MYO1D: variants seen among roughly 807,000 people sequenced by gnomAD.
MYO1D encodes the protein myosin ID.
In MYO1D, 83 loss-of-function variants were observed where a neutral mutation model predicts 122.0. The ratio of observed to expected loss-of-function variants is 0.68; its 90% CI spans 0.57 to 0.82. The LOEUF is 0.82. MYO1D is among the 40% of genes least tolerant of loss of function. The pLI is 0.00. For missense variants in MYO1D, 1,157 were observed against 1,269.5 expected (o/e 0.91, Z 1.35); for synonymous variants, 464 against 446.9 (o/e 1.04, Z -0.48).
intron 21 of MYO1D, among the ~76,000 whole-genome samples, chr17:32,539,087 T>C (rs928515499): frequency 1.3e-5 from 2 of 152,160 alleles, no homozygotes; most frequent in East Asian, 1.9e-4. Context: ...CTGCACATCC[T>C]GCACATGTAT....
chr17:32,509,771 T>C (rs754519151), intron 21 of MYO1D, among the ~76,000 whole-genome samples: 8 of 152,084 alleles, frequency 5.3e-5, no homozygotes, highest in Non-Finnish European at 1.2e-4. Context: ...GTATTTTTAG[T>C]AGAGACGGGG....
intron 19 of MYO1D, among the ~76,000 whole-genome samples, chr17:32,649,567 C>CTTTTTTTTTTTTTTT (rs35514290): frequency 1.1e-5 from 1 of 94,048 alleles, no homozygotes. Context: ...TTCTTTCTTT[C>CTTTTTTTTTTTTTTT]TTTTTTTTTT....
chr17:32,760,658 C>A, intron 8 of MYO1D, 31 bp from the exon 9 acceptor site: 1 of 1,582,880 alleles, frequency 6.3e-7, no homozygotes, highest in Non-Finnish European at 8.6e-7. Context: ...TAAATGCTTG[C>A]CAATTTGGGA....
chr17:32,722,074 G>A (rs1243654131), intron 14 of MYO1D, among the ~76,000 whole-genome samples: 1 of 152,154 alleles, frequency 6.6e-6, no homozygotes, highest in Non-Finnish European at 1.5e-5. Flanking sequence ...GTAGAAACGG[G>A]TAGTAAATAA....
At chr17:32,500,375 C>T (rs1056478549) in intron 21 of MYO1D, among the ~76,000 whole-genome samples, 3 of 152,244 alleles carry the variant, frequency 2.0e-5, no homozygotes, top group Admixed American at 6.5e-5. Context: ...TCCTTCTAAA[C>T]ACAAAGTGGC....
chr17:32,761,586 C>G (rs2090002560), intron 8 of MYO1D, among the ~76,000 whole-genome samples: 1 of 152,124 alleles, frequency 6.6e-6, no homozygotes, highest in Non-Finnish European at 1.5e-5. Context: ...TCTTCCTGGT[C>G]CTCTTCTCTT....
intron 21 of MYO1D, among the ~76,000 whole-genome samples, chr17:32,587,770 C>T (rs191197222): frequency 6.1e-4 from 93 of 152,342 alleles, no homozygotes; most frequent in Middle Eastern, 6.8e-3. Flanking sequence ...TCTTCAGCCT[C>T]CCTTCCCTGT....
chr17:32,584,348 ACTGAAC>A (rs945285286), intron 21 of MYO1D, among the ~76,000 whole-genome samples: 1 of 152,192 alleles, frequency 6.6e-6, no homozygotes, highest in African/African-American at 2.4e-5. Context: ...CTGATATGTG[ACTGAAC>A]CTCAAGAAAT....
At position 32,577,155 on chromosome 17, in the gene MYO1D, A is replaced by G. The variant is rs866173570; in HGVS notation, c.2864+27932T>C. On this transcript the variant is annotated intron_variant, in intron 21 of 21. Coordinates refer to ENST00000318217, the MANE Select transcript of MYO1D (RefSeq NM_015194.3). ...AATGCCAGCTACTCAGGAGGGTGAGACAGGAGAATCACTTGAACCCGGGAG... is the reference window on the plus strand; with the variant it reads ...AATGCCAGCTACTCAGGAGGGTGAGGCAGGAGAATCACTTGAACCCGGGAG... Among the ~76,000 whole-genome samples, 15 of 152,058 alleles carry G rather than the reference A, an allele frequency of 9.9e-5. No individual in the cohort carries two copies. The South Asian group carries it at 3.1e-3, about 32-fold the overall frequency.
intron 21 of MYO1D, among the ~76,000 whole-genome samples, chr17:32,541,156 A>C (rs1203872369): frequency 6.6e-6 from 1 of 152,240 alleles, no homozygotes; most frequent in Non-Finnish European, 1.5e-5. Flanking sequence ...CATTATTCAT[A>C]ATAGCCAAAA....
chr17:32,862,339 T>C (rs1193742329), intron 1 of MYO1D, among the ~76,000 whole-genome samples: 1 of 152,256 alleles, frequency 6.6e-6, no homozygotes, highest in African/African-American at 2.4e-5. Context: ...GAACCGTGTC[T>C]ATCTGGGTTG....
At chr17:32,654,246 A>T (rs1191751725) in intron 18 of MYO1D, among the ~76,000 whole-genome samples, 1 of 152,246 alleles carries the variant, frequency 6.6e-6, no homozygotes, top group Non-Finnish European at 1.5e-5. Context: ...GTCAAAGGCC[A>T]GGTTATAGAG....
Position 32,849,655 on chromosome 17 carries a change from G to A in MYO1D, c.95+27123C>T, listed in dbSNP as rs1379142977. Among the ~76,000 whole-genome samples the A allele has an allele frequency of 6.6e-5, 10 of 150,670 alleles. No individual in the cohort carries two copies. The East Asian group carries it at 1.9e-3, about 29-fold the overall frequency. ...AGGAAGGGGAATATCACACTCTGGG[G>A]ACTGTTGTGGGGTGGGGGGAGAGGG... is the stretch of plus-strand genomic sequence containing the variant. On this transcript the variant is annotated intron_variant, in intron 1 of 21. Transcript: ENST00000318217.
Position 32,623,106 on chromosome 17 carries a change from C to T in MYO1D, c.2709+15616G>A, listed in dbSNP as rs79931620. ...GCTCCCAAGAAGCAGAATGGCTGCT[C>T]AACAGGAGCCAAAGTAGTAGTTCAG... On this transcript the variant is annotated intron_variant, in intron 20 of 21. Transcript: ENST00000318217. Among the ~76,000 whole-genome samples, 75 of 151,650 alleles carry T rather than the reference C, an allele frequency of 4.9e-4. 1 individual carries two copies. Among genetic ancestry groups the T allele is most frequent in the African/African-American group, 1.5e-3 (62 of 41,328 alleles).
At chr17:32,607,141 C>G (rs908493975) in intron 20 of MYO1D, among the ~76,000 whole-genome samples, 2 of 151,764 alleles carry the variant, frequency 1.3e-5, no homozygotes, top group African/African-American at 4.9e-5. Context: ...GCCTGGGCAA[C>G]AGAGCGAGAC....
At chr17:32,798,958 T>A (rs1042976128) in intron 1 of MYO1D, among the ~76,000 whole-genome samples, 1 of 152,226 alleles carries the variant, frequency 6.6e-6, no homozygotes, top group Non-Finnish European at 1.5e-5. Context: ...GAACTGGAAC[T>A]ACTAAGAGAT....
In MYO1D at chr17:32,712,110, C is replaced by T; in HGVS notation, c.1999G>A (p.Gly667Ser). The T allele has an allele frequency of 6.2e-7, 1 of 1,613,992 alleles. No individual in the cohort carries two copies. The highest frequency in any genetic ancestry group is 8.5e-7 in the Non-Finnish European group (1 of 1,179,964). The change falls in exon 16 of 22, where the codon GGT becomes AGT. Residue 667 changes from glycine to serine, a missense_variant. Transcript: ENST00000318217. ...CCATAAGCTACATCATCCTGAAAACCACACCGTTCAATTAGTTTCTTGACA... is the reference window on the plus strand; with the variant it reads ...CCATAAGCTACATCATCCTGAAAACTACACCGTTCAATTAGTTTCTTGACA... ...EAVKKLIERCGFQDDVAYGKT... is the reference protein window; with the variant it reads ...EAVKKLIERCSFQDDVAYGKT...
intron 16 of MYO1D, among the ~76,000 whole-genome samples, chr17:32,664,721 G>A (rs2088613942): frequency 6.6e-6 from 1 of 152,166 alleles, no homozygotes; most frequent in African/African-American, 2.4e-5. Context: ...AGAGAGGCCT[G>A]CTGACAGGGA....
chr17:32,731,076 T>A (rs1017975353), intron 14 of MYO1D, among the ~76,000 whole-genome samples: 17 of 152,122 alleles, frequency 1.1e-4, no homozygotes, highest in African/African-American at 3.1e-4. Context: ...CTGGCTAATT[T>A]TTTTGTATTT....
Sources: gnomAD v4.1 joint callset for allele counts (sites outside exome capture counted in the v4.1 genomes callset) on GRCh38, gnomAD v4.1.1 for gene constraint, MANE v1.5 for transcripts, NCBI Gene and HGNC (gene_info 2026-07-23, HGNC 2026-07-21) for gene names.